Variants in TNKS observed in about 807,000 individuals in gnomAD.
TNKS encodes tankyrase, also known as poly [ADP-ribose] polymerase tankyrase-1.
A neutral mutation model predicts 135.8 loss-of-function variants in TNKS; 72 were observed. That is an observed-to-expected ratio of 0.53 (90% CI 0.44 to 0.64). The LOEUF (loss-of-function observed/expected upper bound fraction) is 0.64, where lower values mean the gene tolerates loss of function less well. Among genes scored for constraint, TNKS ranks in the 30% least tolerant of loss-of-function variants. The pLI is 0.00. For synonymous variants in TNKS, 849 were observed against 649.3 expected, an observed-to-expected ratio of 1.31 and a Z score of -4.68; for missense variants, 1,769 against 1,674.0, an observed-to-expected ratio of 1.06 and a Z score of -0.99.
intron 2 of TNKS, among the ~76,000 whole-genome samples, chr8:9,612,401 A>G (rs1799494839): frequency 6.6e-6 from 1 of 152,250 alleles, no homozygotes; most frequent in Non-Finnish European, 1.5e-5. Context: ...TAGACCTGGG[A>G]ATGGAACTTT....
At chr8:9,761,684 G>A (rs1807156806) in intron 21 of TNKS, 48 bp downstream of exon 21, 1 of 1,567,354 alleles carries the variant, frequency 6.4e-7, no homozygotes, top group East Asian at 2.3e-5. Flanking sequence ...AGTGGTACAA[G>A]GTAAGTATTG....
rs181691296 is a variant in TNKS at position 9,659,867 on chromosome 8, C to A, written c.995-20084C>A. Among the ~76,000 whole-genome samples, 16 of 151,950 alleles carry A rather than the reference C, an allele frequency of 1.1e-4. No homozygotes were observed. In the East Asian group the frequency reaches 2.5e-3, roughly 24 times the overall value. ...AGACTAATAAAGAAGAAAAGAGAGA[C>A]GAATCAAATAGACGCAATAAAAAAT... On this transcript the variant is annotated intron_variant, in intron 3 of 26. Transcript: ENST00000310430.
At chr8:9,748,569 G>C (rs1806361509) in intron 18 of TNKS, among the ~76,000 whole-genome samples, 1 of 152,160 alleles carries the variant, frequency 6.6e-6, no homozygotes, top group Admixed American at 6.5e-5. Flanking sequence ...ATTTACCTAA[G>C]TCTGTGAGAT....
chr8:9,609,451 G>T (rs1371036176), intron 2 of TNKS, among the ~76,000 whole-genome samples: 1 of 152,200 alleles, frequency 6.6e-6, no homozygotes, highest in African/African-American at 2.4e-5. Context: ...CCCTTGTTGT[G>T]TGGGGAACAG....
chr8:9,696,609 A>G (rs760604302), intron 5 of TNKS, among the ~76,000 whole-genome samples: 1 of 152,202 alleles, frequency 6.6e-6, no homozygotes, highest in Non-Finnish European at 1.5e-5. Flanking sequence ...AGGTTTCAGT[A>G]TACAAAATCC....
chr8:9,772,817 GTGTGTGTGTGTGTC>G (rs1237224596), intron 26 of TNKS, among the ~76,000 whole-genome samples: 1,069 of 78,912 alleles, frequency 0.014, 7 homozygotes, highest in African/African-American at 0.028. Flanking sequence ...GTTTGTGTGT[GTGTGTGTGTGTGTC>G]TGTGTGTGTG....
intron 1 of TNKS, among the ~76,000 whole-genome samples, chr8:9,568,292 GT>G (rs1180776415): frequency 2.0e-5 from 3 of 152,170 alleles, no homozygotes; most frequent in Non-Finnish European, 2.9e-5. Context: ...TTTTTGAGTA[GT>G]TCAGTAACAG....
chr8:9,574,062 G>A (rs1797855338), intron 1 of TNKS, among the ~76,000 whole-genome samples: 1 of 152,120 alleles, frequency 6.6e-6, no homozygotes, highest in East Asian at 1.9e-4. Context: ...ATTAGAATAA[G>A]GAAAATTGTT....
chr8:9,750,537 C>G (rs1219966352), intron 18 of TNKS, among the ~76,000 whole-genome samples: 1 of 152,208 alleles, frequency 6.6e-6, no homozygotes, highest in Non-Finnish European at 1.5e-5. Flanking sequence ...CTTTCTGCTA[C>G]ACAGCATTAG....
chr8:9,760,588 T>A (rs938972072), intron 20 of TNKS, among the ~76,000 whole-genome samples: 1 of 152,204 alleles, frequency 6.6e-6, no homozygotes, highest in Non-Finnish European at 1.5e-5. Context: ...TGTAGACTAG[T>A]ATATGGATTG....
intron 3 of TNKS, among the ~76,000 whole-genome samples, chr8:9,645,878 TTTTC>T: frequency 6.6e-6 from 1 of 152,290 alleles, no homozygotes; most frequent in South Asian, 2.1e-4. Context: ...CATAGTTATC[TTTTC>T]TTTAACAGCC....
rs764078749 is a variant in TNKS, at chr8:9,734,848, GT to G, written c.2314-12del. ...CTACAGAAAATACAAACCCCATTTG[GT>G]TTTTCTTCTTTGTAGCATGGAGCAG... On this transcript the variant is annotated splice_polypyrimidine_tract_variant and intron_variant, in intron 15 of 26. Transcript: ENST00000310430. The G allele has an allele frequency of 6.2e-7, 1 of 1,602,536 alleles. No individual in the cohort carries two copies. Among genetic ancestry groups the G allele is most frequent in the South Asian group, 1.1e-5 (1 of 89,088 alleles).
chr8:9,611,935 A>T (rs545632958), intron 2 of TNKS, among the ~76,000 whole-genome samples: 11 of 152,244 alleles, frequency 7.2e-5, no homozygotes, highest in South Asian at 4.1e-4. Flanking sequence ...TTTCATTTTG[A>T]TTCAGAGGGT....
intron 20 of TNKS, among the ~76,000 whole-genome samples, chr8:9,756,342 G>C (rs1177000549): frequency 6.6e-6 from 1 of 152,002 alleles, no homozygotes; most frequent in Non-Finnish European, 1.5e-5. Flanking sequence ...CCCACCCAAA[G>C]TAAAATGACT....
chr8:9,776,474 A>C (rs1335473903), intron 26 of TNKS, among the ~76,000 whole-genome samples, 176 bp from the exon 27 acceptor site: 1 of 152,198 alleles, frequency 6.6e-6, no homozygotes, highest in Non-Finnish European at 1.5e-5. Flanking sequence ...TAGGGTTTAT[A>C]CACATTTATT....
At chr8:9,714,102 A>G (rs1206730707) in intron 11 of TNKS, among the ~76,000 whole-genome samples, 1 of 152,218 alleles carries the variant, frequency 6.6e-6, no homozygotes, top group African/African-American at 2.4e-5. Flanking sequence ...ACTTTGACAG[A>G]ACTTAGTGGT....
intron 11 of TNKS, among the ~76,000 whole-genome samples, chr8:9,715,560 G>A (rs947608526): frequency 2.6e-5 from 4 of 151,992 alleles, no homozygotes; most frequent in African/African-American, 9.7e-5. Flanking sequence ...CCCAGTGCCC[G>A]TGACCAAATT....
intron 1 of TNKS, among the ~76,000 whole-genome samples, chr8:9,559,365 A>G (rs1350196495): frequency 6.6e-6 from 1 of 152,188 alleles, no homozygotes; most frequent in Non-Finnish European, 1.5e-5. Flanking sequence ...AAAGGTTGGA[A>G]GGGACGATGT....
chr8:9,736,578 A>C (rs1456261532), intron 17 of TNKS, among the ~76,000 whole-genome samples: 1 of 137,398 alleles, frequency 7.3e-6, no homozygotes, highest in African/African-American at 2.7e-5. Flanking sequence ...TGATTTTTGT[A>C]TAAGGTGTAA....
Sources: allele counts gnomAD v4.1 joint callset (sites outside exome capture counted in the v4.1 genomes callset), GRCh38; gene constraint gnomAD v4.1.1; transcripts MANE v1.5; gene names NCBI Gene and HGNC (gene_info 2026-07-23, HGNC 2026-07-21).